Variants in NEK11 observed in about 807,000 individuals in gnomAD.
NEK11 encodes NIMA related kinase 11.
A neutral mutation model predicts 80.7 loss-of-function variants in NEK11; 72 were observed. The observed-to-expected ratio is 0.89, with a 90% CI of 0.74 to 1.08. The LOEUF (loss-of-function observed/expected upper bound fraction) is 1.08, where lower values mean the gene tolerates loss of function less well. Among genes scored for constraint, NEK11 ranks in the 50% least tolerant of loss-of-function variants. The pLI is 0.00. For missense variants in NEK11, 764 were observed against 763.6 expected (o/e 1.00, Z -0.01); for synonymous variants, 251 against 260.7 (o/e 0.96, Z 0.36).
At chr3:131,208,702 A>C (rs1184117140) in intron 14 of NEK11, among the ~76,000 whole-genome samples, 2 of 152,108 alleles carry the variant, frequency 1.3e-5, no homozygotes. Flanking sequence ...TTGGATTCCT[A>C]GGTATTTTAT....
chr3:131,134,418 T>A (rs1275747807), intron 7 of NEK11: 1 of 146,610 alleles, frequency 6.8e-6, no homozygotes, highest in Non-Finnish European at 1.5e-5. Context: ...TTTTTTTTTT[T>A]GAAATGGAGT....
At chr3:131,059,380 T>C (rs2070365092) in intron 3 of NEK11, among the ~76,000 whole-genome samples, 1 of 152,188 alleles carries the variant, frequency 6.6e-6, no homozygotes, top group African/African-American at 2.4e-5. Flanking sequence ...GTACATTAAT[T>C]TTTGTGTTTT....
chr3:131,265,550 T>C (rs559358407), intron 16 of NEK11, among the ~76,000 whole-genome samples: 1 of 152,346 alleles, frequency 6.6e-6, no homozygotes, highest in South Asian at 2.1e-4. Flanking sequence ...CAGCCTTGCA[T>C]CACAGGAATG....
chr3:131,225,743 G>A (rs2095173983), intron 14 of NEK11, among the ~76,000 whole-genome samples: 1 of 152,084 alleles, frequency 6.6e-6, no homozygotes, highest in African/African-American at 2.4e-5. Flanking sequence ...TCAAACTGCA[G>A]GTTGAGAGGT....
intron 17 of NEK11, among the ~76,000 whole-genome samples, chr3:131,297,781 G>T (rs1303024669): frequency 2.0e-5 from 3 of 152,126 alleles, no homozygotes; most frequent in Non-Finnish European, 2.9e-5. Context: ...TTCTTCTAAG[G>T]TTTTTATGGT....
chr3:131,107,755 A>T (rs146341253), intron 4 of NEK11, among the ~76,000 whole-genome samples: 1 of 152,230 alleles, frequency 6.6e-6, no homozygotes, highest in East Asian at 1.9e-4. Context: ...CTGATATATT[A>T]AGCAGACCTA....
chr3:131,111,118 C>T (rs1207106565), intron 5 of NEK11, among the ~76,000 whole-genome samples: 1 of 152,068 alleles, frequency 6.6e-6, no homozygotes, highest in African/African-American at 2.4e-5. Flanking sequence ...TATTAAGATG[C>T]TAACTATGGT....
At chr3:131,229,938 T>C (rs1440839862) in intron 15 of NEK11, among the ~76,000 whole-genome samples, 2 of 152,114 alleles carry the variant, frequency 1.3e-5, no homozygotes, top group East Asian at 1.9e-4. Flanking sequence ...CCCATTTTTT[T>C]CCAACGGAAT....
intron 3 of NEK11, among the ~76,000 whole-genome samples, chr3:131,039,587 C>T (rs182378646): frequency 1.2e-4 from 18 of 152,266 alleles, no homozygotes; most frequent in African/African-American, 3.4e-4. Flanking sequence ...TCCTTTTTGA[C>T]GCATGAATGT....
At chr3:131,216,802 T>A (rs553030787) in intron 14 of NEK11, among the ~76,000 whole-genome samples, 2 of 152,366 alleles carry the variant, frequency 1.3e-5, no homozygotes, top group South Asian at 4.1e-4. Flanking sequence ...TTAGCAAATA[T>A]GCTGCTGCAT....
chr3:131,251,321 A>G (rs773353143), intron 16 of NEK11, among the ~76,000 whole-genome samples: 17 of 151,934 alleles, frequency 1.1e-4, no homozygotes, highest in Non-Finnish European at 1.6e-4. Flanking sequence ...AAAAAGTACT[A>G]GGTACATGAA....
At position 131,331,670 on chromosome 3, in the gene NEK11, A is replaced by C. The variant is rs577225247; in HGVS notation, c.1719-17887A>C. On this transcript the variant is annotated intron_variant, in intron 17 of 17. Transcript: ENST00000383366. ...AGCAGGGCGAGCAAGGCATTGCCTC[A>C]CTCGGGAAGCGCAAGGGGTCAGGGA... Among the ~76,000 whole-genome samples the C allele has an allele frequency of 1.7e-3, 253 of 152,340 alleles. 3 individuals are homozygous for C. Among genetic ancestry groups the C allele is most frequent in the Admixed American group, 1.3e-3 (20 of 15,304 alleles).
At chr3:131,198,139 G>GT (rs1181071054) in intron 14 of NEK11, among the ~76,000 whole-genome samples, 1 of 152,110 alleles carries the variant, frequency 6.6e-6, no homozygotes, top group Admixed American at 6.5e-5. Context: ...AGTGAGGGCT[G>GT]TTAGTTTTGC....
chr3:131,194,947 A>G (rs953191334), intron 14 of NEK11, among the ~76,000 whole-genome samples: 2 of 152,266 alleles, frequency 1.3e-5, no homozygotes, highest in African/African-American at 4.8e-5. Context: ...CAACACTGTC[A>G]TCTATAACAT....
At chr3:131,334,819 C>A (rs1481886651) in intron 17 of NEK11, among the ~76,000 whole-genome samples, 2 of 152,114 alleles carry the variant, frequency 1.3e-5, no homozygotes, top group African/African-American at 2.4e-5. Context: ...TACAAATTAC[C>A]ATCAGAGAAT....
intron 16 of NEK11, among the ~76,000 whole-genome samples, chr3:131,273,164 T>C (rs888345734): frequency 2.6e-5 from 4 of 152,228 alleles, no homozygotes; most frequent in African/African-American, 9.6e-5. Context: ...CACTTGCTTT[T>C]CTATAGATAC....
At chr3:131,343,983 T>G (rs1218908628) in intron 17 of NEK11, among the ~76,000 whole-genome samples, 1 of 152,238 alleles carries the variant, frequency 6.6e-6, no homozygotes, top group Non-Finnish European at 1.5e-5. Context: ...CTCTAGCAGG[T>G]GGTTGCTCCA....
chr3:131,147,758 G>T (rs2088682814), intron 7 of NEK11, among the ~76,000 whole-genome samples: 1 of 151,888 alleles, frequency 6.6e-6, no homozygotes, highest in Non-Finnish European at 1.5e-5. Context: ...CAGGTCTTTG[G>T]ATTTTTTTCT....
At chr3:131,089,480 C>A (rs1282451183) in intron 4 of NEK11, among the ~76,000 whole-genome samples, 1 of 151,930 alleles carries the variant, frequency 6.6e-6, no homozygotes, top group Admixed American at 6.6e-5. Context: ...GCTCTATTGC[C>A]CAGTCTTGAG....
Sources: allele counts gnomAD v4.1 joint callset (sites outside exome capture counted in the v4.1 genomes callset), GRCh38; gene constraint gnomAD v4.1.1; transcripts MANE v1.5; gene names NCBI Gene and HGNC (gene_info 2026-07-23, HGNC 2026-07-21).